CNOT6L: variants seen among roughly 807,000 people sequenced by gnomAD.
CNOT6L encodes the protein CCR4-NOT transcription complex subunit 6 like.
A neutral mutation model predicts 64.0 loss-of-function variants in CNOT6L; 7 were observed. The observed-to-expected ratio is 0.11, with a 90% CI of 0.06 to 0.21. The LOEUF is 0.21. Among genes scored for constraint, CNOT6L ranks in the 10% least tolerant of loss-of-function variants. CNOT6L has a pLI of 1.00. For synonymous variants in CNOT6L, 193 were observed against 243.4 expected (o/e 0.79, Z 1.93); for missense variants, 245 against 669.0 (o/e 0.37, Z 6.99).
intron 1 of CNOT6L, among the ~76,000 whole-genome samples, chr4:77,777,828 G>A (rs1218054616): frequency 1.3e-5 from 2 of 152,142 alleles, no homozygotes; most frequent in Admixed American, 6.5e-5. Flanking sequence ...ATTCTATCAT[G>A]TAATAAGAAA....
chr4:77,796,060 T>C (rs1310189308), intron 1 of CNOT6L, among the ~76,000 whole-genome samples: 1 of 152,150 alleles, frequency 6.6e-6, no homozygotes, highest in African/African-American at 2.4e-5. Context: ...TACATGGGTA[T>C]ATTGCATGAT....
upstream of CNOT6L, chr4:77,819,454 C>T: frequency 6.5e-7 from 1 of 1,530,140 alleles, no homozygotes; most frequent in Non-Finnish European, 8.8e-7. Context: ...CAAACACAAA[C>T]ACCCACGGCG....
chr4:77,726,869 TATC>T (rs1721905713), intron 10 of CNOT6L, among the ~76,000 whole-genome samples: 2 of 152,242 alleles, frequency 1.3e-5, no homozygotes, highest in Admixed American at 1.3e-4. Context: ...AGCTAGACAA[TATC>T]ATTCTTTATT....
chr4:77,728,793 G>A, intron 10 of CNOT6L, 61 bp downstream of exon 10: 1 of 1,314,628 alleles, frequency 7.6e-7, no homozygotes, highest in Non-Finnish European at 1.1e-6. Flanking sequence ...GGAGCTAGCT[G>A]GCCTTTGAAC....
chr4:77,747,199 G>GT (rs1335045857), intron 6 of CNOT6L, among the ~76,000 whole-genome samples: 3 of 152,124 alleles, frequency 2.0e-5, no homozygotes, highest in African/African-American at 7.2e-5. Context: ...GTCTTGCTCT[G>GT]TCTCCTAGGC....
intron 1 of CNOT6L, among the ~76,000 whole-genome samples, chr4:77,786,004 G>C (rs937327411): frequency 6.6e-6 from 1 of 152,172 alleles, no homozygotes; most frequent in Non-Finnish European, 1.5e-5. Flanking sequence ...AACATGGCCG[G>C]GTGCGGTGGC....
Position 77,714,138 on chromosome 4 carries a change from G to GT in CNOT6L, c.*6292dup, listed in dbSNP as rs1008884011. 8 of 151,402 alleles carry GT rather than the reference G, an allele frequency of 5.3e-5. No homozygotes were observed. Among genetic ancestry groups the GT allele is most frequent in the African/African-American group, 2.0e-4 (8 of 40,304 alleles). 9.4% of individuals were successfully genotyped at this position (151,402 alleles called of 1,614,324 possible). ...ACACCTTGCTTGGTTTTACAGTCAT[G>GT]TGCTTTGCTTTGCAACCATTAGAAT... On this transcript the variant is annotated 3_prime_UTR_variant, in exon 12 of 12. Transcript: ENST00000504123.
chr4:77,734,405 T>C (rs771027074), intron 8 of CNOT6L, among the ~76,000 whole-genome samples: 5 of 152,154 alleles, frequency 3.3e-5, no homozygotes, highest in Non-Finnish European at 2.9e-5. Flanking sequence ...ATCAGGGACA[T>C]TTCCTATAAC....
chr4:77,819,413 C>G, upstream of CNOT6L: 1 of 1,600,806 alleles, frequency 6.2e-7, no homozygotes, highest in African/African-American at 1.3e-5. Flanking sequence ...CAGATGCTTC[C>G]CCTCCAGAGC....
chr4:77,807,078 T>C (rs1161166073), intron 1 of CNOT6L, among the ~76,000 whole-genome samples: 4 of 151,984 alleles, frequency 2.6e-5, no homozygotes, highest in Admixed American at 6.6e-5. Context: ...GATTTCACCA[T>C]GTTGGCCAGG....
chr4:77,804,843 A>G (rs1237106231), intron 1 of CNOT6L, among the ~76,000 whole-genome samples: 2 of 152,224 alleles, frequency 1.3e-5, no homozygotes, highest in African/African-American at 4.8e-5. Context: ...AATGAAAAAA[A>G]AGCAAATTTT....
chr4:77,773,922 A>T (rs1432691160), intron 3 of CNOT6L, among the ~76,000 whole-genome samples: 4 of 152,140 alleles, frequency 2.6e-5, no homozygotes, highest in Non-Finnish European at 4.4e-5. Flanking sequence ...GACCAAAAGT[A>T]AAAAAAGCAA....
chr4:77,760,860 CTTTTTTTTTTTTTT>C (rs754195745), intron 4 of CNOT6L, among the ~76,000 whole-genome samples: 125 of 29,984 alleles, frequency 4.2e-3, no homozygotes, highest in African/African-American at 8.8e-3. Flanking sequence ...CCATGCCTGG[CTTTTTTTTTTTTTT>C]TTTTTTTTTT....
chr4:77,732,593 C>T (rs1722566541), intron 8 of CNOT6L, among the ~76,000 whole-genome samples: 2 of 152,034 alleles, frequency 1.3e-5, no homozygotes, highest in Admixed American at 6.6e-5. Context: ...AACGTGTCAG[C>T]TGGACTGACA....
rs1727134495 is a variant in CNOT6L, at chr4:77,768,479, ATATATATATATAT to A, written c.400+4589_400+4601del. On this transcript the variant is annotated intron_variant, in intron 4 of 11. Transcript: ENST00000504123. ...GACTCTGTCTAAAATAAATAAATAT[ATATATATATATAT>A]ATATATATATATATATATATATATT... Among the ~76,000 whole-genome samples, 4 of 3,782 alleles carry A rather than the reference ATATATATATATAT, an allele frequency of 1.1e-3. 1 individual carries two copies. Among genetic ancestry groups the A allele is most frequent in the Non-Finnish European group, 2.8e-3 (3 of 1,090 alleles). 2.5% of individuals were successfully genotyped at this position (3,782 alleles called of 152,430 possible).
chr4:77,803,819 C>T (rs1731898453), intron 1 of CNOT6L, among the ~76,000 whole-genome samples: 1 of 151,970 alleles, frequency 6.6e-6, no homozygotes, highest in Admixed American at 6.6e-5. Flanking sequence ...AGGAGAATCG[C>T]TTGAACCCGG....
Position 77,794,150 on chromosome 4 carries a change from CAAAAAAAAA to C in CNOT6L, c.6-17767_6-17759del, listed in dbSNP as rs10649868. 4.4e-4 allele frequency among the ~76,000 whole-genome samples: 23 copies of C among 52,022 alleles called. 1 individual carries two copies. In the East Asian group the frequency reaches 0.015, roughly 33 times the overall value. The allele number at this position is 52,022 out of a possible 152,430, so 34.1% of individuals were successfully genotyped here. A position where few individuals can be genotyped will look rare whatever the true frequency, so the allele number is the denominator to read the frequency against. ...CTGGCAACAGAGTAAGACTCTGTCT[CAAAAAAAAA>C]AAAAAAAAAAAAAAAAAGATTTTAG... On this transcript the variant is annotated intron_variant, in intron 1 of 11. Coordinates refer to ENST00000504123, the MANE Select transcript of CNOT6L (RefSeq NM_144571.3).
At chr4:77,808,889 G>A (rs1560439547) in intron 1 of CNOT6L, among the ~76,000 whole-genome samples, 1 of 152,074 alleles carries the variant, frequency 6.6e-6, no homozygotes, top group Non-Finnish European at 1.5e-5. Flanking sequence ...ATAAATGTAA[G>A]CATTATAGTA....
chr4:77,797,486 T>C (rs529009367), intron 1 of CNOT6L, among the ~76,000 whole-genome samples: 2 of 152,322 alleles, frequency 1.3e-5, no homozygotes, highest in East Asian at 3.9e-4. Flanking sequence ...ACCTGCCTAT[T>C]AGTCAATCAG....
Sources: allele counts gnomAD v4.1 joint callset (sites outside exome capture counted in the v4.1 genomes callset), GRCh38; gene constraint gnomAD v4.1.1; transcripts MANE v1.5; gene names NCBI Gene and HGNC (gene_info 2026-07-23, HGNC 2026-07-21).